Variants in ENO4 observed in about 807,000 individuals in gnomAD.
The protein encoded by ENO4 is enolase 4.
ENO4 carries 53 observed loss-of-function variants against 63.2 expected under a neutral mutation model. The ratio of observed to expected loss-of-function variants is 0.84; its 90% CI spans 0.67 to 1.05. The LOEUF (loss-of-function observed/expected upper bound fraction) is 1.05. Among genes scored for constraint, ENO4 ranks in the 50% least tolerant of loss-of-function variants. The probability of loss-of-function intolerance (pLI) is 0.00; values close to 1 mark genes in which losing one functional copy is unlikely to be tolerated. For missense variants in ENO4, 719 were observed against 772.0 expected (o/e 0.93, Z 0.81); for synonymous variants, 266 against 283.8 (o/e 0.94, Z 0.63).
intron 10 of ENO4, chr10:116,901,756 G>A (rs201551399): frequency 3.9e-5 from 61 of 1,581,696 alleles, no homozygotes; most frequent in African/African-American, 2.8e-4. Context: ...AAAGAGCATC[G>A]TTACTTACTG....
chr10:116,860,681 A>T, intron 4 of ENO4, 113 bp from the exon 5 acceptor site: 1 of 736,910 alleles, frequency 1.4e-6, no homozygotes, highest in South Asian at 5.8e-5. Context: ...GGGTTGAGGT[A>T]GAGCATTTGT....
At position 116,882,501 on chromosome 10, in the gene ENO4, T is replaced by C. The variant is rs1403532072; in HGVS notation, c.*832T>C. 1 of 152,068 alleles carries C rather than the reference T, an allele frequency of 6.6e-6. No individual in the cohort carries two copies. The highest frequency in any genetic ancestry group is 1.5e-5 in the Non-Finnish European group (1 of 68,026). 9.4% of individuals were successfully genotyped at this position (152,068 alleles called of 1,614,324 possible). On this transcript the variant is annotated 3_prime_UTR_variant, in exon 14 of 14. Transcript: ENST00000341276. ...AGAGGAGTAGCAGAAATAAATATAT[T>C]CAGACACAAACATATAGATATAATA...
At chr10:116,898,099 G>C (rs1248400132) in intron 10 of ENO4, among the ~76,000 whole-genome samples, 1 of 152,068 alleles carries the variant, frequency 6.6e-6, no homozygotes, top group East Asian at 1.9e-4. Context: ...AGGCTGAGGT[G>C]GGTGGATCAC....
chr10:116,876,636 G>A (rs2133278357), intron 11 of ENO4, among the ~76,000 whole-genome samples: 1 of 152,318 alleles, frequency 6.6e-6, no homozygotes, highest in East Asian at 1.9e-4. Flanking sequence ...TCTGAGCTTG[G>A]ACTACAGAAA....
intron 3 of ENO4, among the ~76,000 whole-genome samples, chr10:116,857,318 G>T (rs773422205): frequency 6.6e-6 from 1 of 152,060 alleles, no homozygotes; most frequent in Non-Finnish European, 1.5e-5. Flanking sequence ...TGCCACCTGT[G>T]AGCTCCTCAT....
chr10:116,878,760 T>TTG (rs35529167), intron 11 of ENO4, among the ~76,000 whole-genome samples: 1 of 148,232 alleles, frequency 6.7e-6, no homozygotes, highest in Admixed American at 6.7e-5. Flanking sequence ...TTTTTTTTTT[T>TTG]GAGACGGAGT....
chr10:116,880,949 C>T (rs755897216), intron 13 of ENO4, among the ~76,000 whole-genome samples: 149 of 152,244 alleles, frequency 9.8e-4, no homozygotes, highest in South Asian at 3.1e-3. Flanking sequence ...ACAGTGCAGC[C>T]GCCTCAGTAT....
At chr10:116,869,509 TA>T (rs985240085) in intron 8 of ENO4, among the ~76,000 whole-genome samples, 1 of 152,238 alleles carries the variant, frequency 6.6e-6, no homozygotes, top group East Asian at 1.9e-4. Flanking sequence ...ATGGCAAAGA[TA>T]AAAAAGTGAA....
At position 116,862,858 on chromosome 10, in the gene ENO4, T is replaced by C; in HGVS notation, c.990+6T>C. The C allele has an allele frequency of 6.5e-7, 1 of 1,534,596 alleles. No individual in the cohort carries two copies. Among genetic ancestry groups the C allele is most frequent in the Non-Finnish European group, 8.8e-7 (1 of 1,132,704 alleles). On this transcript the variant is annotated splice_donor_region_variant and intron_variant, in intron 7 of 13. Transcript: ENST00000341276. ...TCAACAAAATAATTGAAATGGTATG[T>C]AAAGAGATTCTATGTTATCTAGTTA...
Position 116,899,795 on chromosome 10 carries a change from A to G in ENO4, c.1195-11704A>G, listed in dbSNP as rs985032463. On this transcript the variant is annotated intron_variant, in intron 10 of 10. Coordinates refer to the ENO4 transcript ENST00000369207. ...CGACTTCAAAGTGCTTTGACAGGCC[A>G]AGTCTATAAAGTAAGAGAATGTGGT... Among the ~76,000 whole-genome samples the G allele has an allele frequency of 2.6e-5, 4 of 152,332 alleles. No homozygotes were observed. In the East Asian group the frequency reaches 7.7e-4, roughly 29 times the overall value.
chr10:116,858,918 A>C, intron 3 of ENO4, 72 bp from the exon 4 acceptor site: 1 of 1,038,494 alleles, frequency 9.6e-7, no homozygotes, highest in Non-Finnish European at 1.4e-6. Flanking sequence ...GGTCATCTCT[A>C]AAACATGACC....
chr10:116,862,944 G>T (rs1846454254), intron 7 of ENO4, 92 bp downstream of exon 7: 3 of 884,124 alleles, frequency 3.4e-6, no homozygotes, highest in African/African-American at 3.3e-5. Context: ...AATCAATTGT[G>T]GTTGATATGG....
chr10:116,850,361 C>T (rs896284074), intron 1 of ENO4: 3 of 154,278 alleles, frequency 1.9e-5, no homozygotes, highest in Non-Finnish European at 2.9e-5. Context: ...GGCAGCCTCC[C>T]TAGGCAGCCT....
downstream of ENO4, chr10:116,886,586 A>C: frequency 6.2e-7 from 1 of 1,610,922 alleles, no homozygotes; most frequent in Non-Finnish European, 8.5e-7. Flanking sequence ...GAAGAGTTAG[A>C]CAAAAAAAGT....
intron 10 of ENO4, among the ~76,000 whole-genome samples, chr10:116,897,665 C>T (rs1381449901): frequency 1.3e-5 from 2 of 152,168 alleles, no homozygotes; most frequent in Non-Finnish European, 2.9e-5. Flanking sequence ...ATCTAATTTA[C>T]ATGACAGTCC....
At chr10:116,911,433 A>G (rs1037801796) in intron 10 of ENO4, 1 of 1,537,776 alleles carries the variant, frequency 6.5e-7, no homozygotes, top group African/African-American at 1.4e-5. Context: ...GCTTCAAAGT[A>G]AAGCATTATT....
chr10:116,886,260 TCTACAGC>T, downstream of ENO4: 1 of 1,530,224 alleles, frequency 6.5e-7, no homozygotes, highest in Non-Finnish European at 8.8e-7. Flanking sequence ...GAGCAGAATG[TCTACAGC>T]CCTTGCCAAT....
At chr10:116,859,236 C>A in intron 4 of ENO4, 98 bp downstream of exon 4, 2 of 1,363,282 alleles carry the variant, frequency 1.5e-6, no homozygotes, top group Non-Finnish European at 1.9e-6. Flanking sequence ...TGGCTACAGG[C>A]CTACTTTGGG....
At chr10:116,858,049 T>A (rs1241858093) in intron 3 of ENO4, among the ~76,000 whole-genome samples, 4 of 152,186 alleles carry the variant, frequency 2.6e-5, no homozygotes, top group Admixed American at 6.5e-5. Context: ...TTATTATTTT[T>A]TTCTCAAGCT....
Sources: gnomAD v4.1 joint callset for allele counts (sites outside exome capture counted in the v4.1 genomes callset) on GRCh38, gnomAD v4.1.1 for gene constraint, MANE v1.5 for transcripts, NCBI Gene and HGNC (gene_info 2026-07-23, HGNC 2026-07-21) for gene names.